The following TACC1 variants were observed in gnomAD, a reference collection of about 807,000 sequenced individuals.
TACC1 encodes the protein transforming acidic coiled-coil containing protein 1, also known as transforming acidic coiled-coil-containing protein 1.
In TACC1, 48 loss-of-function variants were observed where a neutral mutation model predicts 84.4. The observed-to-expected ratio is 0.57, with a 90% CI of 0.45 to 0.72. The LOEUF (loss-of-function observed/expected upper bound fraction) is 0.72. TACC1 is among the 30% of genes least tolerant of loss of function. The pLI, the probability that TACC1 is intolerant of heterozygous loss-of-function variation, is 0.00. For synonymous variants in TACC1, 372 were observed against 376.3 expected (o/e 0.99, Z 0.13); for missense variants, 920 against 973.0 (o/e 0.95, Z 0.72).
chr8:38,806,488 AAGAGAGAGAGGG>A (rs1307973685), intron 2 of TACC1, among the ~76,000 whole-genome samples: 25 of 150,584 alleles, frequency 1.7e-4, no homozygotes, highest in African/African-American at 6.1e-4. Context: ...GAGAGAGAGA[AAGAGAGAGAGGG>A]AGAGAGAGAG....
chr8:38,788,061 C>G (rs1587684842), intron 1 of TACC1: 1 of 387,354 alleles, frequency 2.6e-6, no homozygotes, highest in Non-Finnish European at 4.6e-6. Context: ...GGAGCAACGT[C>G]ACTGATCTAA....
Position 38,820,075 on chromosome 8 carries a change from T to C in TACC1, c.831T>C (p.Pro277=), listed in dbSNP as rs761998142. 39 of 1,614,010 alleles carry C rather than the reference T, an allele frequency of 2.4e-5. No individual in the cohort carries two copies. Among genetic ancestry groups the C allele is most frequent in the Non-Finnish European group, 3.1e-5 (37 of 1,180,028 alleles). The change falls in exon 3 of 13, where the codon CCT becomes CCC. Residue 277 remains proline (P), a synonymous_variant. Coordinates refer to ENST00000317827, the MANE Select transcript of TACC1 (RefSeq NM_006283.3). ...AAGAGTTGGATGAGAACACAAGTCC[T>C]TTGCTAGGAGATGCCAGGTTCCAGA... ...SPEELDENTS[P]LLGDARFQKS...
Position 38,819,736 on chromosome 8 carries a change from A to G in TACC1, c.492A>G (p.Ala164=). 6.2e-7 allele frequency: 1 copy of G among 1,614,130 alleles called. No individual in the cohort carries two copies. Among genetic ancestry groups the G allele is most frequent in the South Asian group, 1.1e-5 (1 of 91,086 alleles). The change falls in exon 3 of 13, where the codon GCA becomes GCG. Residue 164 remains alanine (A), a synonymous_variant. Transcript: ENST00000317827. ...IETKDSTDIS[A]VLGTKAAHGC... The stretch of plus-strand genomic sequence containing the variant: ...CGAAGGATTCCACGGATATCTCGGC[A>G]GTCCTCGGAACAAAAGCAGCTCATG...
At chr8:38,769,383 G>C (rs1812994354) in intron 3 of TACC1, among the ~76,000 whole-genome samples, 1 of 147,418 alleles carries the variant, frequency 6.8e-6, no homozygotes, top group South Asian at 2.2e-4. Context: ...TGTGTGGTGT[G>C]TGATTATATG....
chr8:38,847,115 G>GT (rs1434184257), intron 12 of TACC1, among the ~76,000 whole-genome samples: 3 of 152,120 alleles, frequency 2.0e-5, no homozygotes, highest in Non-Finnish European at 2.9e-5. Context: ...TTCTTTCTTT[G>GT]TTTTTTATGC....
Position 38,850,930 on chromosome 8 carries a change from A to G in TACC1, c.*2907A>G, listed in dbSNP as rs1168991017. Reference sequence around the variant, plus strand: ...CTTTTGACTTTGCCAAAGTGTAGATAGCCTTTATCCAGCAGTATTTTAAGT... The same window carrying G: ...CTTTTGACTTTGCCAAAGTGTAGATGGCCTTTATCCAGCAGTATTTTAAGT... On this transcript the variant is annotated 3_prime_UTR_variant, in exon 13 of 13. Coordinates refer to ENST00000317827, the MANE Select transcript of TACC1 (RefSeq NM_006283.3). The G allele has an allele frequency of 1.3e-5, 2 of 152,214 alleles. No individual in the cohort carries two copies. The highest frequency in any genetic ancestry group is 4.8e-5 in the African/African-American group (2 of 41,258). 9.4% of individuals were successfully genotyped at this position (152,214 alleles called of 1,614,324 possible).
intron 3 of TACC1, among the ~76,000 whole-genome samples, chr8:38,762,745 CAAAGTTT>C (rs1811464849): frequency 1.3e-5 from 2 of 152,048 alleles, no homozygotes; most frequent in African/African-American, 4.8e-5. Context: ...TTAGCAGAGT[CAAAGTTT>C]TGCCATGTTG....
chr8:38,783,078 C>CTA (rs1816370682), upstream of TACC1, among the ~76,000 whole-genome samples: 5 of 94,730 alleles, frequency 5.3e-5, no homozygotes, highest in African/African-American at 2.2e-4. Flanking sequence ...ATCTATCTAT[C>CTA]TATCTATCTA....
At chr8:38,745,265 G>T (rs1807847228) in exon 3 of TACC1, 1 of 484,380 alleles carries the variant, frequency 2.1e-6, no homozygotes, top group Non-Finnish European at 3.6e-6. Context: ...CAGAAACAGA[G>T]CTCGCAGTTC....
rs1265094362 is a variant in TACC1, at chr8:38,836,193, C to G, written c.1745C>G (p.Pro582Arg). The G allele has an allele frequency of 6.2e-7, 1 of 1,613,462 alleles. No homozygotes were observed. The highest frequency in any genetic ancestry group is 8.5e-7 in the Non-Finnish European group (1 of 1,179,826). ...GLLESSAEKA[P>R]VSVSCGGESP... ...CTGGAGTCCTCTGCAGAGAAGGCCC[C>G]TGTGTCGGTGTCCTGTGGAGGTGAG... Residue 582 changes from proline (P) to arginine (R), a missense_variant, in exon 7 of 13, where the codon CCT becomes CGT. Around this residue, in one of 2 missense-constraint regions of TACC1, gnomAD observed 762 missense variants for 747.3 expected, o/e 1.02. Coordinates refer to ENST00000317827, the MANE Select transcript of TACC1 (RefSeq NM_006283.3).
intron 3 of TACC1, among the ~76,000 whole-genome samples, chr8:38,778,205 CA>C (rs1815209901): frequency 6.6e-6 from 1 of 151,948 alleles, no homozygotes; most frequent in Non-Finnish European, 1.5e-5. Context: ...CTTCGTCTCC[CA>C]AAGTGTTGGG....
chr8:38,831,809 CTTTT>C (rs34500240), intron 6 of TACC1, among the ~76,000 whole-genome samples: 1 of 142,472 alleles, frequency 7.0e-6, no homozygotes, highest in Non-Finnish European at 1.5e-5. Flanking sequence ...TTACTCAGTT[CTTTT>C]TTTTTTTTTT....
chr8:38,770,652 T>C (rs1813419953), intron 3 of TACC1, among the ~76,000 whole-genome samples: 1 of 152,152 alleles, frequency 6.6e-6, no homozygotes, highest in Admixed American at 6.5e-5. Context: ...ATAGATGTCT[T>C]TGAATGACTG....
intron 2 of TACC1, among the ~76,000 whole-genome samples, chr8:38,814,437 T>C (rs1056500576): frequency 1.3e-5 from 2 of 152,250 alleles, no homozygotes; most frequent in African/African-American, 4.8e-5. Context: ...TTTCTGTGTT[T>C]AGATACACAA....
chr8:38,761,962 C>T (rs904067633), intron 3 of TACC1, among the ~76,000 whole-genome samples: 3 of 151,932 alleles, frequency 2.0e-5, no homozygotes, highest in Non-Finnish European at 2.9e-5. Context: ...AAGCCAATCC[C>T]GAAGGAAATG....
At chr8:38,832,596 C>G (rs1433479234) in intron 6 of TACC1, among the ~76,000 whole-genome samples, 1 of 152,196 alleles carries the variant, frequency 6.6e-6, no homozygotes, top group East Asian at 1.9e-4. Flanking sequence ...CTTATGTGGT[C>G]TTGTGCCCAG....
upstream of TACC1, among the ~76,000 whole-genome samples, chr8:38,783,078 C>A (rs571808457): frequency 5.3e-4 from 50 of 94,700 alleles, 1 homozygote; most frequent in Middle Eastern, 5.3e-3. Context: ...ATCTATCTAT[C>A]TATCTATCTA....
chr8:38,793,406 G>A (rs568141141), intron 2 of TACC1, among the ~76,000 whole-genome samples: 1 of 152,120 alleles, frequency 6.6e-6, no homozygotes, highest in African/African-American at 2.4e-5. Flanking sequence ...ATTTTTTGAT[G>A]GTTTAATGGT....
rs199655912 is a variant in TACC1, at chr8:38,745,529, CTGTT to C, written c.26+50_26+53del. 1.6e-3 allele frequency: 1,056 copies of C among 680,502 alleles called. 7 individuals carry two copies. The African/African-American group carries it at 0.016, about 10-fold the overall frequency. The allele number at this position is 680,502 out of a possible 1,614,324, so 42.2% of individuals were successfully genotyped here. A position where few individuals can be genotyped will look rare whatever the true frequency, so the allele number is the denominator to read the frequency against. On this transcript the variant is annotated intron_variant, in intron 3 of 14. Transcript: ENST00000518415. ...TAATTTTTGTTTTCTTGTTTTTTTT[CTGTT>C]TGTTTGTTTGTTTTTGTTTTTGTTT...
Sources: gnomAD v4.1 joint callset for allele counts (sites outside exome capture counted in the v4.1 genomes callset) on GRCh38, gnomAD v4.1.1 for gene constraint, gnomAD v4.1.1 regional missense constraint, MANE v1.5 for transcripts, NCBI Gene and HGNC (gene_info 2026-07-23, HGNC 2026-07-21) for gene names.